CDV3: variants seen among roughly 807,000 people sequenced by gnomAD.
CDV3 encodes the protein CDV3 homolog, also known as protein CDV3 homolog.
A neutral mutation model predicts 24.5 loss-of-function variants in CDV3; 14 were observed. The ratio of observed to expected loss-of-function variants is 0.57; its 90% CI spans 0.38 to 0.89. The LOEUF (loss-of-function observed/expected upper bound fraction) is 0.89, where lower values mean the gene tolerates loss of function less well. Among genes scored for constraint, CDV3 ranks in the 40% least tolerant of loss-of-function variants. The pLI, the probability that CDV3 is intolerant of heterozygous loss-of-function variation, is 0.00. For synonymous variants in CDV3, 114 were observed against 114.1 expected (o/e 1.00, Z 0.00); for missense variants, 304 against 310.2 (o/e 0.98, Z 0.15).
At chr3:133,578,926 C>G (rs1368656962) in intron 2 of CDV3, among the ~76,000 whole-genome samples, 1 of 152,194 alleles carries the variant, frequency 6.6e-6, no homozygotes, top group Admixed American at 6.5e-5. Context: ...TCCTATCAGC[C>G]TTACTAAAGA....
intron 3 of CDV3, among the ~76,000 whole-genome samples, chr3:133,585,764 T>G (rs1021562554): frequency 1.3e-5 from 2 of 152,216 alleles, no homozygotes; most frequent in Non-Finnish European, 2.9e-5. Context: ...CCCGAAGTGC[T>G]AGGATTACAG....
At chr3:133,585,402 G>C (rs1352847891) in intron 3 of CDV3, among the ~76,000 whole-genome samples, 1 of 152,106 alleles carries the variant, frequency 6.6e-6, no homozygotes, top group African/African-American at 2.4e-5. Context: ...GACAGAGTCT[G>C]GCTCCTGACT....
intron 2 of CDV3, among the ~76,000 whole-genome samples, chr3:133,578,499 G>C (rs2074900957): frequency 6.6e-6 from 1 of 152,222 alleles, no homozygotes; most frequent in Non-Finnish European, 1.5e-5. Flanking sequence ...TACTCTGCTA[G>C]ACACTGAGGT....
Position 133,588,611 on chromosome 3 carries a change from G to T in CDV3, c.*565G>T. 7 of 568,156 alleles carry T rather than the reference G, an allele frequency of 1.2e-5. No individual in the cohort carries two copies. The South Asian group carries it at 1.6e-4, about 13-fold the overall frequency. 35.2% of individuals were successfully genotyped at this position (568,156 alleles called of 1,614,324 possible). A position where few individuals can be genotyped will look rare whatever the true frequency, so the allele number is the denominator to read the frequency against. On this transcript the variant is annotated 3_prime_UTR_variant, in exon 5 of 5. Transcript: ENST00000264993. ...CTACCCTTAAGGAATACTCTCTGTA[G>T]TAGGCTGTTGTTATATTAGACTTCC... is the stretch of plus-strand genomic sequence containing the variant.
At chr3:133,587,839 T>C (rs1315746003) in intron 4 of CDV3, 57 bp from the exon 5 acceptor site, 2 of 1,531,526 alleles carry the variant, frequency 1.3e-6, no homozygotes, top group Non-Finnish European at 8.7e-7. Flanking sequence ...AGGACGAATA[T>C]TTTCAAAAAC....
At chr3:133,586,084 A>G (rs1933569228) in intron 3 of CDV3, among the ~76,000 whole-genome samples, 1 of 151,748 alleles carries the variant, frequency 6.6e-6, no homozygotes, top group African/African-American at 2.4e-5. Context: ...GAAAAATACA[A>G]TGTTTTCACT....
In CDV3 at chr3:133,590,134, G is replaced by A. The variant is rs1933978049; in HGVS notation, c.*2088G>A. ...AAATATCAAAATATAAATGAATCAAGTTTTAATATACTGTATGATGGGTGG... is the reference window on the plus strand; with the variant it reads ...AAATATCAAAATATAAATGAATCAAATTTTAATATACTGTATGATGGGTGG... On this transcript the variant is annotated 3_prime_UTR_variant, in exon 5 of 5. Transcript: ENST00000264993. 6.6e-6 allele frequency: 1 copy of A among 152,172 alleles called. No individual in the cohort carries two copies. The allele number at this position is 152,172 out of a possible 1,614,324, so 9.4% of individuals were successfully genotyped here.
rs2074701579 is a variant in CDV3 at position 133,573,958 on chromosome 3, G to T, written c.-87G>T. ...CGTCGCCGCGCCCGGCAGCGTGAGC[G>T]CAGAGCCGGCCTCGACCCCGAGCTC... is the stretch of plus-strand genomic sequence containing the variant. On this transcript the variant is annotated 5_prime_UTR_variant, in exon 1 of 5. Coordinates refer to ENST00000264993, the MANE Select transcript of CDV3 (RefSeq NM_017548.5). The T allele has an allele frequency of 1.0e-5, 10 of 985,546 alleles. No individual in the cohort carries two copies. Among genetic ancestry groups the T allele is most frequent in the Non-Finnish European group, 1.2e-5 (10 of 828,060 alleles). The allele number at this position is 985,546 out of a possible 1,614,324, so 61.1% of individuals were successfully genotyped here. A position where few individuals can be genotyped will look rare whatever the true frequency, so the allele number is the denominator to read the frequency against.
At chr3:133,576,619 G>A (rs2074817133) in intron 2 of CDV3, among the ~76,000 whole-genome samples, 1 of 152,104 alleles carries the variant, frequency 6.6e-6, no homozygotes, top group South Asian at 2.1e-4. Context: ...AATTGATTTT[G>A]TTAAACTATG....
intron 2 of CDV3, among the ~76,000 whole-genome samples, chr3:133,581,544 T>C (rs1194403074): frequency 2.6e-5 from 4 of 152,214 alleles, no homozygotes; most frequent in Non-Finnish European, 5.9e-5. Context: ...TAAATAGTGC[T>C]GATTATTATG....
chr3:133,581,341 G>A (rs961426680), intron 2 of CDV3, among the ~76,000 whole-genome samples: 1 of 151,998 alleles, frequency 6.6e-6, no homozygotes, highest in Non-Finnish European at 1.5e-5. Flanking sequence ...CTAAGATTGG[G>A]CCTCTGTACT....
In CDV3 at chr3:133,588,227, A is replaced by C. The variant is rs1017523413; in HGVS notation, c.*181A>C. The C allele has an allele frequency of 6.5e-7, 1 of 1,538,482 alleles. No homozygotes were observed. Among genetic ancestry groups the C allele is most frequent in the Non-Finnish European group, 8.8e-7 (1 of 1,141,860 alleles). ...CGACTGCTCTATGCATATTGGATTT[A>C]GGGGAATTTTCATTGTTACATAAAT... On this transcript the variant is annotated 3_prime_UTR_variant, in exon 5 of 5. Coordinates refer to ENST00000264993, the MANE Select transcript of CDV3 (RefSeq NM_017548.5).
chr3:133,586,512 A>T, intron 3 of CDV3, 51 bp from the exon 4 acceptor site: 1 of 937,530 alleles, frequency 1.1e-6, no homozygotes, highest in Non-Finnish European at 1.7e-6. Flanking sequence ...ATAGCTTATT[A>T]AAATGCTGAG....
At chr3:133,574,752 G>A in intron 1 of CDV3, 1 of 1,100,302 alleles carries the variant, frequency 9.1e-7, no homozygotes, top group Non-Finnish European at 1.1e-6. Flanking sequence ...GGTTGAAGTA[G>A]AAATGTAGTT....
intron 4 of CDV3, 181 bp from the exon 5 acceptor site, chr3:133,587,715 C>G (rs930074509): frequency 1.2e-5 from 16 of 1,389,296 alleles, no homozygotes; most frequent in Middle Eastern, 2.7e-4. Context: ...ATACAGCGTT[C>G]TGTGTTTTCT....
Position 133,588,288 on chromosome 3 carries a change from A to G in CDV3, c.*242A>G. On this transcript the variant is annotated 3_prime_UTR_variant, in exon 5 of 5. Transcript: ENST00000264993. ...GTTTCAACAGTGTTCTTTCATATTTACTCTGCAAATACAAAAAACCAAAAC... is the reference window on the plus strand; with the variant it reads ...GTTTCAACAGTGTTCTTTCATATTTGCTCTGCAAATACAAAAAACCAAAAC... The G allele has an allele frequency of 6.5e-7, 1 of 1,538,344 alleles. No individual in the cohort carries two copies. The highest frequency in any genetic ancestry group is 8.7e-7 in the Non-Finnish European group (1 of 1,146,190).
Position 133,575,854 on chromosome 3 carries a change from A to G in CDV3, c.317+739A>G, listed in dbSNP as rs763337343. Among the ~76,000 whole-genome samples the G allele has an allele frequency of 1.4e-4, 22 of 152,382 alleles. No homozygotes were observed. The East Asian group carries it at 3.5e-3, about 24-fold the overall frequency. Reference sequence around the variant, plus strand: ...TTAAGGTTGATGTTAAGTAAGTGCTATATTTTGGAGGGTTCATAAAGTAGG... The same window carrying G: ...TTAAGGTTGATGTTAAGTAAGTGCTGTATTTTGGAGGGTTCATAAAGTAGG... On this transcript the variant is annotated intron_variant, in intron 2 of 4. Coordinates refer to ENST00000264993, the MANE Select transcript of CDV3 (RefSeq NM_017548.5).
chr3:133,574,632 C>T, intron 1 of CDV3: 1 of 1,024,500 alleles, frequency 9.8e-7, no homozygotes, highest in South Asian at 3.4e-5. Context: ...CTGACCTCAG[C>T]CCAGTAGTTT....
At chr3:133,575,323 C>T (rs1432109779) in intron 2 of CDV3, among the ~76,000 whole-genome samples, 1 of 152,196 alleles carries the variant, frequency 6.6e-6, no homozygotes, top group Non-Finnish European at 1.5e-5. Flanking sequence ...ACTCTAAAAT[C>T]CTGTGAGAGC....
Sources: allele counts gnomAD v4.1 joint callset (sites outside exome capture counted in the v4.1 genomes callset), GRCh38; gene constraint gnomAD v4.1.1; transcripts MANE v1.5; gene names NCBI Gene and HGNC (gene_info 2026-07-23, HGNC 2026-07-21).